Variants in ATP6V0E1 observed in about 807,000 individuals in gnomAD.
ATP6V0E1 encodes the protein V-type proton ATPase subunit e 1.
Under a neutral mutation model 11.6 loss-of-function variants are expected in ATP6V0E1, and 4 were observed. That is an observed-to-expected ratio of 0.35 (90% confidence interval 0.17 to 0.79). The LOEUF (loss-of-function observed/expected upper bound fraction) is 0.79, where lower values mean the gene tolerates loss of function less well. ATP6V0E1 is among the 30% of genes least tolerant of loss of function. The pLI is 0.54. For synonymous variants in ATP6V0E1, 36 were observed against 34.8 expected, an observed-to-expected ratio of 1.04 and a Z score of -0.13; for missense variants, 105 against 100.0, an observed-to-expected ratio of 1.05 and a Z score of -0.21.
At chr5:173,029,467 G>A (rs1756615056) in intron 3 of ATP6V0E1, among the ~76,000 whole-genome samples, 1 of 152,038 alleles carries the variant, frequency 6.6e-6, no homozygotes, top group South Asian at 2.1e-4. Flanking sequence ...TCCTCCTTCA[G>A]GCACCCTGAT....
chr5:172,984,936 A>G (rs887042384), intron 1 of ATP6V0E1, among the ~76,000 whole-genome samples: 1 of 152,146 alleles, frequency 6.6e-6, no homozygotes, highest in African/African-American at 2.4e-5. Flanking sequence ...GAATAGTTCT[A>G]TTGTCTTTAT....
intron 2 of ATP6V0E1, among the ~76,000 whole-genome samples, chr5:173,002,748 G>A (rs556583355): frequency 4.6e-5 from 7 of 152,358 alleles, no homozygotes; most frequent in African/African-American, 1.7e-4. Flanking sequence ...AGCACTTTGG[G>A]AAGCTGAGGC....
chr5:173,008,772 G>T (rs1190392943), intron 2 of ATP6V0E1, among the ~76,000 whole-genome samples: 2 of 150,174 alleles, frequency 1.3e-5, no homozygotes, highest in African/African-American at 2.4e-5. Context: ...TTAGCTGGGC[G>T]TGGTGGCGGG....
intron 2 of ATP6V0E1, among the ~76,000 whole-genome samples, chr5:173,005,014 C>G (rs898489927): frequency 1.5e-4 from 23 of 152,086 alleles, no homozygotes; most frequent in African/African-American, 5.6e-4. Context: ...ATCTCTTTGT[C>G]TGGCCTTATG....
At chr5:173,000,574 G>T (rs1022108259) in intron 2 of ATP6V0E1, among the ~76,000 whole-genome samples, 1 of 152,120 alleles carries the variant, frequency 6.6e-6, no homozygotes. Flanking sequence ...ACGAGACCTA[G>T]GTTCTTTTAG....
rs1252954858 is a variant in ATP6V0E1, at chr5:173,020,158, C to T, written c.153-80C>T. The stretch of plus-strand genomic sequence containing the variant: ...AGTAGATTTAAGTTTTGCTAGTGTA[C>T]TTTTTCCATGCTAATTGAAAATGGT... On this transcript the variant is annotated intron_variant, in intron 2 of 3. Transcript: ENST00000519374. 3.3e-6 allele frequency: 4 copies of T among 1,216,570 alleles called. No individual in the cohort carries two copies. In the Admixed American group the frequency reaches 5.4e-5, roughly 16 times the overall value. The allele number at this position is 1,216,570 out of a possible 1,614,324, so 75.4% of individuals were successfully genotyped here.
chr5:173,014,160 T>TAAA (rs757466248), intron 2 of ATP6V0E1, among the ~76,000 whole-genome samples: 1 of 67,806 alleles, frequency 1.5e-5, no homozygotes, highest in Non-Finnish European at 3.0e-5. Context: ...GACTCCATCT[T>TAAA]AAAAAAAAAA....
At chr5:173,006,799 T>G (rs901028485) in intron 2 of ATP6V0E1, among the ~76,000 whole-genome samples, 2 of 152,042 alleles carry the variant, frequency 1.3e-5, no homozygotes, top group Non-Finnish European at 2.9e-5. Flanking sequence ...ATTTGGGTTT[T>G]GGGGGTTTTT....
At chr5:173,007,827 A>G (rs888057600) in intron 2 of ATP6V0E1, among the ~76,000 whole-genome samples, 3 of 152,158 alleles carry the variant, frequency 2.0e-5, no homozygotes, top group Non-Finnish European at 2.9e-5. Flanking sequence ...TGGGCAAGCA[A>G]TTGGCCTCTT....
chr5:173,012,416 C>G (rs923071372), intron 2 of ATP6V0E1, among the ~76,000 whole-genome samples: 1 of 151,652 alleles, frequency 6.6e-6, no homozygotes, highest in African/African-American at 2.4e-5. Flanking sequence ...GAAATTGAAC[C>G]CTTTCTGTCA....
At chr5:172,998,242 T>A in intron 2 of ATP6V0E1, among the ~76,000 whole-genome samples, 1 of 132,274 alleles carries the variant, frequency 7.6e-6, no homozygotes, top group Non-Finnish European at 1.5e-5. Context: ...CTTGTTCAGG[T>A]GATAACTTAG....
At chr5:173,023,630 A>AGCCC (rs375811251) in intron 3 of ATP6V0E1, among the ~76,000 whole-genome samples, 61 of 152,316 alleles carry the variant, frequency 4.0e-4, no homozygotes, top group African/African-American at 1.5e-3. Flanking sequence ...AGATCACTTG[A>AGCCC]GCCCAGGAGT....
At chr5:173,016,790 C>CT (rs1261672816) in intron 2 of ATP6V0E1, among the ~76,000 whole-genome samples, 2 of 152,136 alleles carry the variant, frequency 1.3e-5, no homozygotes, top group East Asian at 3.8e-4. Context: ...TGTTCTCTTC[C>CT]TTTTTTTATA....
intron 2 of ATP6V0E1, among the ~76,000 whole-genome samples, chr5:173,006,612 TCAAACAAACAAA>T (rs369237135): frequency 3.3e-5 from 5 of 151,992 alleles, no homozygotes; most frequent in Non-Finnish European, 5.9e-5. Context: ...AGACTCCATC[TCAAACAAACAAA>T]CAAACAAACA....
intron 2 of ATP6V0E1, among the ~76,000 whole-genome samples, chr5:173,005,361 ATG>A: frequency 6.6e-6 from 1 of 152,150 alleles, no homozygotes; most frequent in African/African-American, 2.4e-5. Context: ...GAGATCTCAC[ATG>A]TCTCTTGGAT....
chr5:173,031,195 C>G (rs1329236607), intron 3 of ATP6V0E1, among the ~76,000 whole-genome samples: 1 of 151,810 alleles, frequency 6.6e-6, no homozygotes, highest in Non-Finnish European at 1.5e-5. Flanking sequence ...CTGCCCGCCT[C>G]GGCTTCCCAA....
At chr5:173,004,121 G>A (rs1288572312) in intron 2 of ATP6V0E1, among the ~76,000 whole-genome samples, 1 of 152,176 alleles carries the variant, frequency 6.6e-6, no homozygotes, top group Admixed American at 6.6e-5. Flanking sequence ...ACATTTTGAT[G>A]TTGTGTAGAT....
rs1381714162 is a variant in ATP6V0E1 at position 172,983,922 on chromosome 5, G to T, written c.62G>T (p.Gly21Val). 1.2e-6 allele frequency: 2 copies of T among 1,613,276 alleles called. No individual in the cohort carries two copies. The highest frequency in any genetic ancestry group is 2.2e-5 in the South Asian group (2 of 91,052). ...ATGAGCGTGTTCTGGGGCTTCGTCGGCTTCTTGGTGCCTTGGTTCATCCCT... is the reference window on the plus strand; with the variant it reads ...ATGAGCGTGTTCTGGGGCTTCGTCGTCTTCTTGGTGCCTTGGTTCATCCCT... ...IVMSVFWGFV[G>V]FLVPWFIPKG... The change falls in exon 1 of 4, where the codon GGC (glycine) becomes GTC (valine). Residue 21 changes from glycine (G) to valine (V), a missense_variant. Transcript: ENST00000519374.
intron 3 of ATP6V0E1, among the ~76,000 whole-genome samples, chr5:173,024,068 G>A (rs145846564): frequency 6.6e-6 from 1 of 151,800 alleles, no homozygotes; most frequent in Admixed American, 6.6e-5. Flanking sequence ...CATGGTGGTG[G>A]GCGCCTGTAG....
Sources: gnomAD v4.1 joint callset for allele counts (sites outside exome capture counted in the v4.1 genomes callset) on GRCh38, gnomAD v4.1.1 for gene constraint, MANE v1.5 for transcripts, NCBI Gene and HGNC (gene_info 2026-07-23, HGNC 2026-07-21) for gene names.